PLEKHG3: variants seen among roughly 807,000 people sequenced by gnomAD.
PLEKHG3 encodes pleckstrin homology domain-containing family G member 3.
In PLEKHG3, 62 loss-of-function variants were observed where a neutral mutation model predicts 94.9. The ratio of observed to expected loss-of-function variants is 0.65; its 90% CI spans 0.53 to 0.81. PLEKHG3 has a LOEUF of 0.81. PLEKHG3 is among the 30% of genes least tolerant of loss of function. The probability of loss-of-function intolerance (pLI) is 0.00; values close to 1 mark genes in which losing one functional copy is unlikely to be tolerated. For synonymous variants in PLEKHG3, 614 were observed against 654.0 expected, an observed-to-expected ratio of 0.94 and a Z score of 0.93; for missense variants, 1,461 against 1,619.3, an observed-to-expected ratio of 0.90 and a Z score of 1.68.
At position 64,720,466 on chromosome 14, in the gene PLEKHG3, T is replaced by C. The variant is rs1184226798; in HGVS notation, c.-39-7127T>C. ...CTTGACTGTGTGAGTGGTGAGCTCA[T>C]CCCGGCGCCATCTCAGAGTCCTTCC... On this transcript the variant is annotated intron_variant, in intron 1 of 16. Transcript: ENST00000247226. The surrounding 1 kb of genome is among the most constrained non-coding windows in gnomAD (Gnocchi z 4.1). Among the ~76,000 whole-genome samples, 1 of 152,194 alleles carries C rather than the reference T, an allele frequency of 6.6e-6. No individual in the cohort carries two copies. The highest frequency in any genetic ancestry group is 2.4e-5 in the African/African-American group (1 of 41,452).
At chr14:64,719,291 C>A (rs1414982140) in intron 1 of PLEKHG3, among the ~76,000 whole-genome samples, 3 of 151,772 alleles carry the variant, frequency 2.0e-5, no homozygotes, top group Admixed American at 6.6e-5. Context: ...AGAAAAATCT[C>A]ATTGTCTTGA....
chr14:64,715,853 A>G lies in PLEKHG3; in HGVS notation c.-40+11149A>G. The stretch of plus-strand genomic sequence containing the variant: ...TTTCCTGGGCTAGGGCCCCCCAGCA[A>G]TCAGGAATGAGAGAAATGCAGAAAG... On this transcript the variant is annotated intron_variant, in intron 1 of 16. Transcript: ENST00000247226. This position sits in a 1 kb window ranked among gnomAD's most constrained non-coding sequence, Gnocchi z 4.4. 5.8e-6 allele frequency: 2 copies of G among 343,502 alleles called. No individual in the cohort carries two copies. Among genetic ancestry groups the G allele is most frequent in the Non-Finnish European group, 1.2e-5 (2 of 172,640 alleles). 21.3% of individuals were successfully genotyped at this position (343,502 alleles called of 1,614,324 possible).
Position 64,731,153 on chromosome 14 carries a change from A to G in PLEKHG3, c.833A>G (p.His278Arg). Residue 278 changes from histidine to arginine, a missense_variant, in exon 7 of 17, where the codon CAC becomes CGC. Transcript: ENST00000247226. This position sits in a 1 kb window ranked among gnomAD's most constrained non-coding sequence, Gnocchi z 6.1. ...AACGACATGAAGAGGAGGCATGAGC[A>G]CGCGGTCCGGCTCCAGGTGCTCTGG... ...YINDMKRRHE[H>R]AVRLQEIQSL... 6.3e-7 allele frequency: 1 copy of G among 1,599,874 alleles called. No individual in the cohort carries two copies. Among genetic ancestry groups the G allele is most frequent in the African/African-American group, 1.3e-5 (1 of 74,396 alleles).
Position 64,716,067 on chromosome 14 carries a change from G to C in PLEKHG3, c.-40+11363G>C, listed in dbSNP as rs955757614. 4.4e-6 allele frequency: 2 copies of C among 456,216 alleles called. No individual in the cohort carries two copies. Among genetic ancestry groups the C allele is most frequent in the Admixed American group, 4.7e-5 (2 of 42,542 alleles). 28.3% of individuals were successfully genotyped at this position (456,216 alleles called of 1,614,324 possible). A position where few individuals can be genotyped will look rare whatever the true frequency, so the allele number is the denominator to read the frequency against. Reference sequence around the variant, plus strand: ...GCCCCTCGCCACCCTCGTGGTGCCCGGATGGGAGCTCTCCTGAGGAAAGCG... The same window carrying C: ...GCCCCTCGCCACCCTCGTGGTGCCCCGATGGGAGCTCTCCTGAGGAAAGCG... On this transcript the variant is annotated intron_variant, in intron 1 of 16. Transcript: ENST00000247226. This position sits in a 1 kb window ranked among gnomAD's most constrained non-coding sequence, Gnocchi z 5.0.
In PLEKHG3 at chr14:64,726,794, C is replaced by T. The variant is rs747644392; in HGVS notation, c.-39-799C>T. 3.9e-5 allele frequency among the ~76,000 whole-genome samples: 6 copies of T among 152,106 alleles called. No homozygotes were observed. The highest frequency in any genetic ancestry group is 5.9e-5 in the Non-Finnish European group (4 of 68,014). On this transcript the variant is annotated intron_variant, in intron 1 of 16. Transcript: ENST00000247226. This position sits in a 1 kb window ranked among gnomAD's most constrained non-coding sequence, Gnocchi z 5.1. Reference sequence around the variant, plus strand: ...AGGTGCTGGGGTGGGGCTGCGGAGTCGGGGGATAATGCTGGCTCAGCCAGT... The same window carrying T: ...AGGTGCTGGGGTGGGGCTGCGGAGTTGGGGGATAATGCTGGCTCAGCCAGT...
chr14:64,733,818 T>G (rs2081519755), intron 12 of PLEKHG3, among the ~76,000 whole-genome samples: 2 of 152,262 alleles, frequency 1.3e-5, no homozygotes, highest in African/African-American at 4.8e-5. Flanking sequence ...GCTTTTATTC[T>G]AAACTCCGTG....
At position 64,749,681 on chromosome 14, in the gene PLEKHG3, G is replaced by A. The variant is rs767541230; in HGVS notation, c.*5978G>A. On this transcript the variant is annotated 3_prime_UTR_variant, in exon 17 of 17. Transcript: ENST00000247226. The surrounding 1 kb of genome is among the most constrained non-coding windows in gnomAD (Gnocchi z 4.7). ...CATCCTTGCCATGGAAGAGCCACTC[G>A]CTGCCATTACTCAGCCTAGGAGGAC... is the stretch of plus-strand genomic sequence containing the variant. 3.1e-6 allele frequency: 5 copies of A among 1,613,668 alleles called. No homozygotes were observed. Among genetic ancestry groups the A allele is most frequent in the African/African-American group, 1.3e-5 (1 of 74,912 alleles).
chr14:64,737,319 G>T, intron 13 of PLEKHG3, 37 bp from the exon 14 acceptor site: 4 of 1,585,064 alleles, frequency 2.5e-6, no homozygotes, highest in Non-Finnish European at 3.4e-6. Flanking sequence ...CCTGCCCCTC[G>T]CCCGTGTGCT....
chr14:64,737,973 G>GTGA, intron 14 of PLEKHG3: 5 of 1,239,708 alleles, frequency 4.0e-6, no homozygotes, highest in Non-Finnish European at 4.1e-6. Context: ...AGAGGAGGAG[G>GTGA]TGGTGGAGGA....
At position 64,749,178 on chromosome 14, in the gene PLEKHG3, G is replaced by GC; in HGVS notation, c.*5478dup. 8.5e-7 allele frequency: 1 copy of GC among 1,175,786 alleles called. No individual in the cohort carries two copies. Among genetic ancestry groups the GC allele is most frequent in the Non-Finnish European group, 1.2e-6 (1 of 842,222 alleles). The allele number at this position is 1,175,786 out of a possible 1,614,324, so 72.8% of individuals were successfully genotyped here. A position where few individuals can be genotyped will look rare whatever the true frequency, so the allele number is the denominator to read the frequency against. ...GGCAGCTTTTGCAGTGCAGCGTGGG[G>GC]CCCGGGGGCCCGGCCCGCGACTCGA... On this transcript the variant is annotated 3_prime_UTR_variant, in exon 17 of 17. Transcript: ENST00000247226. The surrounding 1 kb of genome is among the most constrained non-coding windows in gnomAD (Gnocchi z 4.7).
At position 64,725,804 on chromosome 14, in the gene PLEKHG3, C is replaced by T. The variant is rs929539812; in HGVS notation, c.-39-1789C>T. Reference sequence around the variant, plus strand: ...CAAAGTGCTGTGCTCCAGAGCATCCCGGCCAGGTTAGCGGCAGGTGGTAAG... The same window carrying T: ...CAAAGTGCTGTGCTCCAGAGCATCCTGGCCAGGTTAGCGGCAGGTGGTAAG... On this transcript the variant is annotated intron_variant, in intron 1 of 16. Transcript: ENST00000247226. The surrounding 1 kb of genome is among the most constrained non-coding windows in gnomAD (Gnocchi z 5.0). Among the ~76,000 whole-genome samples the T allele has an allele frequency of 2.6e-5, 4 of 152,324 alleles. No homozygotes were observed. Among genetic ancestry groups the T allele is most frequent in the South Asian group, 2.1e-4 (1 of 4,822 alleles).
chr14:64,720,980 G>A lies in PLEKHG3; in HGVS notation c.-39-6613G>A, dbSNP rs2081253518. On this transcript the variant is annotated intron_variant, in intron 1 of 16. Transcript: ENST00000247226. The surrounding 1 kb of genome is among the most constrained non-coding windows in gnomAD (Gnocchi z 4.1). ...CTGACTCCTGCCGGATTCCTCTTACGAGGAGCCTTATGATCACATCAGGCC... is the reference window on the plus strand; with the variant it reads ...CTGACTCCTGCCGGATTCCTCTTACAAGGAGCCTTATGATCACATCAGGCC... 6.6e-6 allele frequency among the ~76,000 whole-genome samples: 1 copy of A among 152,102 alleles called. No individual in the cohort carries two copies. The highest frequency in any genetic ancestry group is 2.1e-4 in the South Asian group (1 of 4,812).
rs2081365635 is a variant in PLEKHG3 at position 64,727,074 on chromosome 14, C to T, written c.-39-519C>T. Reference sequence around the variant, plus strand: ...CGTACCCTATGCCAGGCATCATGCTCAGAGCTTTACGAACAGCAGGTGGCT... The same window carrying T: ...CGTACCCTATGCCAGGCATCATGCTTAGAGCTTTACGAACAGCAGGTGGCT... On this transcript the variant is annotated intron_variant, in intron 1 of 16. Coordinates refer to ENST00000247226, the MANE Select transcript of PLEKHG3 (RefSeq NM_001308147.2). The surrounding 1 kb of genome is among the most constrained non-coding windows in gnomAD (Gnocchi z 6.0). 6.6e-6 allele frequency among the ~76,000 whole-genome samples: 1 copy of T among 152,174 alleles called. No homozygotes were observed. The highest frequency in any genetic ancestry group is 1.9e-4 in the East Asian group (1 of 5,200).
intron 15 of PLEKHG3, among the ~76,000 whole-genome samples, chr14:64,740,706 A>G (rs113808078): frequency 9.8e-5 from 15 of 152,304 alleles, no homozygotes; most frequent in African/African-American, 3.6e-4. Context: ...GCCATGCCCA[A>G]CCCACTGTTG....
rs1021686316 is a variant in PLEKHG3, at chr14:64,742,088, C to T, written c.2571C>T (p.Ile857=). The T allele has an allele frequency of 6.2e-7, 1 of 1,610,362 alleles. No homozygotes were observed. Among genetic ancestry groups the T allele is most frequent in the Non-Finnish European group, 8.5e-7 (1 of 1,179,372 alleles). ...FILEEHELGA[I]TEESATASPE... ...TGGAGGAGCATGAGCTGGGAGCCATCACAGAGGAGTCGGCCACTGCCTCCC... is the reference window on the plus strand; with the variant it reads ...TGGAGGAGCATGAGCTGGGAGCCATTACAGAGGAGTCGGCCACTGCCTCCC... Residue 857 remains isoleucine (I), a synonymous_variant, in exon 16 of 17, where the codon ATC becomes ATT. Transcript: ENST00000247226.
At chr14:64,706,326 T>A (rs764570755) in intron 1 of PLEKHG3, among the ~76,000 whole-genome samples, 6 of 152,238 alleles carry the variant, frequency 3.9e-5, no homozygotes, top group Non-Finnish European at 8.8e-5. Context: ...GATTTCAGCC[T>A]TAGACCCTAT....
In PLEKHG3 at chr14:64,716,368, G is replaced by C. The variant is rs1380871481; in HGVS notation, c.-39-11225G>C. Among the ~76,000 whole-genome samples, 1 of 151,622 alleles carries C rather than the reference G, an allele frequency of 6.6e-6. No homozygotes were observed. Among genetic ancestry groups the C allele is most frequent in the Non-Finnish European group, 1.5e-5 (1 of 67,942 alleles). The stretch of plus-strand genomic sequence containing the variant: ...GGCAACTGTAAATGGTTCTGCCGGG[G>C]ACTTCAGGGGGACTTCATGTCGTGA... On this transcript the variant is annotated intron_variant, in intron 1 of 16. Coordinates refer to ENST00000247226, the MANE Select transcript of PLEKHG3 (RefSeq NM_001308147.2). This position sits in a 1 kb window ranked among gnomAD's most constrained non-coding sequence, Gnocchi z 5.0.
intron 14 of PLEKHG3, chr14:64,737,895 G>C (rs1331788578): frequency 1.7e-6 from 2 of 1,207,602 alleles, no homozygotes; most frequent in Admixed American, 3.4e-5. Flanking sequence ...CCTGGACTTT[G>C]GGCAGCCCTC....
At position 64,716,058 on chromosome 14, in the gene PLEKHG3, G is replaced by A. The variant is rs992874115; in HGVS notation, c.-40+11354G>A. ...GGCTGCCCGGCCCCTCGCCACCCTC[G>A]TGGTGCCCGGATGGGAGCTCTCCTG... On this transcript the variant is annotated intron_variant, in intron 1 of 16. Transcript: ENST00000247226. This position sits in a 1 kb window ranked among gnomAD's most constrained non-coding sequence, Gnocchi z 5.0. 1.1e-5 allele frequency: 5 copies of A among 456,178 alleles called. No individual in the cohort carries two copies. Among genetic ancestry groups the A allele is most frequent in the Middle Eastern group, 3.3e-4 (1 of 3,052 alleles). The allele number at this position is 456,178 out of a possible 1,614,324, so 28.3% of individuals were successfully genotyped here.
Sources: allele counts gnomAD v4.1 joint callset (sites outside exome capture counted in the v4.1 genomes callset), GRCh38; gene constraint gnomAD v4.1.1; non-coding constraint Gnocchi (gnomAD v3.1); transcripts MANE v1.5; gene names NCBI Gene and HGNC (gene_info 2026-07-23, HGNC 2026-07-21).